The following GTF2B variants were observed in gnomAD, a reference collection of about 807,000 sequenced individuals.
The protein encoded by GTF2B is general transcription factor IIB, also known as transcription initiation factor IIB.
A neutral mutation model predicts 34.6 loss-of-function variants in GTF2B; 20 were observed. That is an observed-to-expected ratio of 0.58 (90% CI 0.41 to 0.84). The LOEUF is 0.84. Among genes scored for constraint, GTF2B ranks in the 40% least tolerant of loss-of-function variants. The pLI is 0.00. For synonymous variants in GTF2B, 142 were observed against 132.4 expected (o/e 1.07, Z -0.50); for missense variants, 237 against 393.3 (o/e 0.60, Z 3.36).
chr1:88,885,122 T>C (rs1422950314), intron 2 of GTF2B, among the ~76,000 whole-genome samples: 1 of 152,190 alleles, frequency 6.6e-6, no homozygotes, highest in Non-Finnish European at 1.5e-5. Context: ...AACAAGTGAG[T>C]GTTGCTATAT....
chr1:88,880,837 C>T (rs1673920121), intron 2 of GTF2B, among the ~76,000 whole-genome samples: 2 of 151,886 alleles, frequency 1.3e-5, no homozygotes, highest in Non-Finnish European at 2.9e-5. Flanking sequence ...GGGGAAACCC[C>T]GTCTTTCCTA....
chr1:88,864,106 C>G lies in GTF2B; in HGVS notation c.133G>C (p.Val45Leu). The G allele has an allele frequency of 1.9e-6, 3 of 1,613,982 alleles. No individual in the cohort carries two copies. Among genetic ancestry groups the G allele is most frequent in the Non-Finnish European group, 2.5e-6 (3 of 1,179,864 alleles). ...CGCCATTCAGATCCCACATCAATAA[C>G]CCGGTCACCTAAGAATATAAGCACA... ...PECGLVVGDR[V>L]IDVGSEWRTF... The change falls in exon 3 of 7, where the codon GTT becomes CTT. Residue 45 changes from valine to leucine, a missense_variant. This residue lies in a region of GTF2B where 130 missense variants were observed against 170.9 expected (regional missense o/e 0.76). Coordinates refer to ENST00000370500, the MANE Select transcript of GTF2B (RefSeq NM_001514.6).
intron 2 of GTF2B, among the ~76,000 whole-genome samples, chr1:88,883,340 G>A (rs1673988980): frequency 6.6e-6 from 1 of 152,192 alleles, no homozygotes; most frequent in Non-Finnish European, 1.5e-5. Context: ...CTACTGCTAA[G>A]TCACCAGATT....
At chr1:88,868,212 T>G (rs1298901835) in intron 2 of GTF2B, among the ~76,000 whole-genome samples, 2 of 152,270 alleles carry the variant, frequency 1.3e-5, no homozygotes, top group Non-Finnish European at 2.9e-5. Context: ...CAGCCATGCC[T>G]GGGTATAATC....
intron 2 of GTF2B, among the ~76,000 whole-genome samples, chr1:88,871,473 G>C (rs925701462): frequency 1.3e-5 from 2 of 152,164 alleles, no homozygotes; most frequent in Non-Finnish European, 2.9e-5. Context: ...GGAAATGTGG[G>C]AAGTTATACA....
At position 88,859,613 on chromosome 1, in the gene GTF2B, A is replaced by G. The variant is rs375386807; in HGVS notation, c.535+269T>C. Among the ~76,000 whole-genome samples the G allele has an allele frequency of 1.7e-4, 26 of 152,312 alleles. 1 individual carries two copies. In the South Asian group the frequency reaches 5.4e-3, roughly 32 times the overall value. On this transcript the variant is annotated intron_variant, in intron 5 of 6. Coordinates refer to ENST00000370500, the MANE Select transcript of GTF2B (RefSeq NM_001514.6). Reference sequence around the variant, plus strand: ...CACTTTGGGAGGCCAAAGTGGGCAGATCACCTGAGGTCAGAAGTTTGAGAC... The same window carrying G: ...CACTTTGGGAGGCCAAAGTGGGCAGGTCACCTGAGGTCAGAAGTTTGAGAC...
chr1:88,862,309 G>A (rs7539498), intron 3 of GTF2B, among the ~76,000 whole-genome samples: 5,267 of 152,246 alleles, frequency 0.035, 249 homozygotes, highest in African/African-American at 0.11. Context: ...TTGGGAGGCC[G>A]AGGTGGGTGG....
intron 2 of GTF2B, among the ~76,000 whole-genome samples, chr1:88,882,271 C>T (rs969406391): frequency 1.5e-5 from 2 of 133,748 alleles, no homozygotes. Flanking sequence ...GATCGTGCCA[C>T]TGCACTCCAG....
intron 2 of GTF2B, among the ~76,000 whole-genome samples, chr1:88,868,953 A>C (rs1309074000): frequency 6.6e-6 from 1 of 151,878 alleles, no homozygotes; most frequent in African/African-American, 2.4e-5. Context: ...GTTAACCAGG[A>C]TGGTCTCGAT....
intron 2 of GTF2B, among the ~76,000 whole-genome samples, chr1:88,874,497 ATTTTTTTTTTT>A (rs56331310): frequency 7.2e-5 from 6 of 83,576 alleles, no homozygotes; most frequent in African/African-American, 1.4e-4. Context: ...AGCTAATTAA[ATTTTTTTTTTT>A]TTTTTTTTTT....
intron 2 of GTF2B, among the ~76,000 whole-genome samples, chr1:88,883,314 T>G (rs1673988503): frequency 6.6e-6 from 1 of 152,088 alleles, no homozygotes; most frequent in South Asian, 2.1e-4. Context: ...TTCAGAAAAA[T>G]CACAACAAAA....
At chr1:88,856,278 AAAAAAAAAAAAAC>A (rs1187333344) in intron 6 of GTF2B, among the ~76,000 whole-genome samples, 4,615 of 131,338 alleles carry the variant, frequency 0.035, 106 homozygotes, top group Admixed American at 0.047. Flanking sequence ...AAAACAAAAA[AAAAAAAAAAAAAC>A]AAAAAAAAAA....
intron 2 of GTF2B, among the ~76,000 whole-genome samples, chr1:88,885,783 T>G (rs1207717905): frequency 1.3e-5 from 2 of 152,190 alleles, no homozygotes; most frequent in Admixed American, 1.3e-4. Context: ...TTATAGATAC[T>G]GAAATTTGTA....
intron 2 of GTF2B, among the ~76,000 whole-genome samples, chr1:88,886,355 A>G (rs1674068364): frequency 6.6e-6 from 1 of 152,086 alleles, no homozygotes; most frequent in Non-Finnish European, 1.5e-5. Flanking sequence ...AGATGCTACA[A>G]CTCCACCACA....
Position 88,877,412 on chromosome 1 carries a change from A to G in GTF2B, c.124+9849T>C, listed in dbSNP as rs534263941. On this transcript the variant is annotated intron_variant, in intron 2 of 6. Transcript: ENST00000370500. ...ACAACTCCTCATTGTGAAATAATTT[A>G]TAAAGTCATGATAGACCAATTTTAT... Among the ~76,000 whole-genome samples, 7 of 152,380 alleles carry G rather than the reference A, an allele frequency of 4.6e-5. No homozygotes were observed. In the East Asian group the frequency reaches 1.3e-3, roughly 29 times the overall value.
intron 2 of GTF2B, among the ~76,000 whole-genome samples, chr1:88,874,417 T>G (rs1673766694): frequency 6.6e-6 from 1 of 151,094 alleles, no homozygotes; most frequent in African/African-American, 2.4e-5. Context: ...GCTCAAACAA[T>G]TCTCCCTAGC....
At chr1:88,886,992 C>T (rs1030697217) in intron 2 of GTF2B, among the ~76,000 whole-genome samples, 1 of 151,848 alleles carries the variant, frequency 6.6e-6, no homozygotes, top group East Asian at 1.9e-4. Context: ...GATCTCGGCT[C>T]ACTGCAACCT....
At chr1:88,858,071 T>C (rs1673358751) in intron 5 of GTF2B, among the ~76,000 whole-genome samples, 2 of 151,940 alleles carry the variant, frequency 1.3e-5, no homozygotes, top group Non-Finnish European at 2.9e-5. Context: ...AGTGACACCA[T>C]CTTGGCTCAC....
intron 1 of GTF2B, chr1:88,888,098 CA>C (rs1386622863): frequency 1.3e-5 from 2 of 152,162 alleles, no homozygotes; most frequent in Non-Finnish European, 2.9e-5. Flanking sequence ...ATCATTATTT[CA>C]GGGGGTATGA....
Sources: gnomAD v4.1 joint callset for allele counts (sites outside exome capture counted in the v4.1 genomes callset) on GRCh38, gnomAD v4.1.1 for gene constraint, gnomAD v4.1.1 regional missense constraint, MANE v1.5 for transcripts, NCBI Gene and HGNC (gene_info 2026-07-23, HGNC 2026-07-21) for gene names.